ZC2HC1B: variants seen among roughly 807,000 people sequenced by gnomAD.
ZC2HC1B encodes zinc finger C2HC-type containing 1B.
Under a neutral mutation model 31.0 loss-of-function variants are expected in ZC2HC1B, and 36 were observed. That is an observed-to-expected ratio of 1.16 (90% CI 0.89 to 1.54). The LOEUF (loss-of-function observed/expected upper bound fraction) is 1.54. Ranked by LOEUF, ZC2HC1B falls within the 40% of genes most tolerant of loss-of-function variation. The pLI, the probability that ZC2HC1B is intolerant of heterozygous loss-of-function variation, is 0.00. For missense variants in ZC2HC1B, 260 were observed against 268.6 expected, an observed-to-expected ratio of 0.97 and a Z score of 0.22; for synonymous variants, 73 against 88.0, an observed-to-expected ratio of 0.83 and a Z score of 0.95.
chr6:143,869,022 C>G lies in ZC2HC1B; in HGVS notation c.28+4455C>G, dbSNP rs770908028. 2.6e-5 allele frequency among the ~76,000 whole-genome samples: 4 copies of G among 152,220 alleles called. No homozygotes were observed. Among genetic ancestry groups the G allele is most frequent in the Non-Finnish European group, 4.4e-5 (3 of 68,044 alleles). ...TCTGCAGCTGGTCACGTGGTCATAG[C>G]TGGTATTGATGACTACATTCTTCTA... On this transcript the variant is annotated intron_variant, in intron 1 of 7. Coordinates refer to ENST00000237275, the MANE Select transcript of ZC2HC1B (RefSeq NM_001013623.3). The surrounding 1 kb of genome is among the most constrained non-coding windows in gnomAD (Gnocchi z 5.2).
intron 6 of ZC2HC1B, 146 bp from the exon 7 acceptor site, chr6:143,937,503 C>G: frequency 1.9e-6 from 1 of 515,240 alleles, no homozygotes; most frequent in Non-Finnish European, 3.3e-6. Context: ...ACCCTCATTG[C>G]CCTCCCCACC....
rs975591140 is a variant in ZC2HC1B at position 143,917,091 on chromosome 6, C to T, written c.598+13939C>T. Among the ~76,000 whole-genome samples, 1 of 152,208 alleles carries T rather than the reference C, an allele frequency of 6.6e-6. No homozygotes were observed. Among genetic ancestry groups the T allele is most frequent in the Non-Finnish European group, 1.5e-5 (1 of 68,032 alleles). On this transcript the variant is annotated intron_variant, in intron 6 of 7. Coordinates refer to ENST00000237275, the MANE Select transcript of ZC2HC1B (RefSeq NM_001013623.3). This position sits in a 1 kb window ranked among gnomAD's most constrained non-coding sequence, Gnocchi z 4.1. ...GGGACCCAGTGGGAGGTAACTGAAT[C>T]ATGGGGGCAAGTCTTTCCTGTGCTA...
intron 6 of ZC2HC1B, among the ~76,000 whole-genome samples, chr6:143,912,851 A>C (rs1478383784): frequency 1.3e-5 from 2 of 152,118 alleles, no homozygotes; most frequent in African/African-American, 4.8e-5. Flanking sequence ...TGAGAAGCCA[A>C]ATGGCCAAGT....
chr6:143,885,453 T>C lies in ZC2HC1B; in HGVS notation c.91-579T>C, dbSNP rs982059294. On this transcript the variant is annotated intron_variant, in intron 2 of 7. Transcript: ENST00000237275. The surrounding 1 kb of genome is among the most constrained non-coding windows in gnomAD (Gnocchi z 4.2). ...ATTTCCTAAGCCTATTTCTAGGCTA[T>C]GGAGGGCATTGATCAAATGATTTGA... Among the ~76,000 whole-genome samples the C allele has an allele frequency of 6.6e-6, 1 of 152,234 alleles. No individual in the cohort carries two copies. Among genetic ancestry groups the C allele is most frequent in the African/African-American group, 2.4e-5 (1 of 41,458 alleles).
At position 143,887,708 on chromosome 6, in the gene ZC2HC1B, T is replaced by C. The variant is rs573082107; in HGVS notation, c.349+887T>C. On this transcript the variant is annotated intron_variant, in intron 4 of 7. Transcript: ENST00000237275. The surrounding 1 kb of genome is among the most constrained non-coding windows in gnomAD (Gnocchi z 5.1). ...CCACTTATTTAGTCATATTGTTAAA[T>C]TTTTTCCTCTATCTCATCTTTATGT... is the stretch of plus-strand genomic sequence containing the variant. Among the ~76,000 whole-genome samples the C allele has an allele frequency of 6.9e-4, 105 of 152,108 alleles. No homozygotes were observed. The highest frequency in any genetic ancestry group is 1.3e-3 in the Non-Finnish European group (90 of 67,984).
In ZC2HC1B at chr6:143,885,023, G is replaced by A. The variant is rs1055521859; in HGVS notation, c.90+658G>A. ...GATGGTATGCCCCAATATTATAAAG[G>A]GGTTCCCAAGAAAGATGATTTTTTT... On this transcript the variant is annotated intron_variant, in intron 2 of 7. Coordinates refer to ENST00000237275, the MANE Select transcript of ZC2HC1B (RefSeq NM_001013623.3). The surrounding 1 kb of genome is among the most constrained non-coding windows in gnomAD (Gnocchi z 4.2). 1.3e-5 allele frequency among the ~76,000 whole-genome samples: 2 copies of A among 151,990 alleles called. No homozygotes were observed. The highest frequency in any genetic ancestry group is 4.8e-5 in the African/African-American group (2 of 41,376).
Position 143,913,313 on chromosome 6 carries a change from G to A in ZC2HC1B, c.598+10161G>A, listed in dbSNP as rs930923819. ...TAGGGAAACCCTTCCTTGTCTGGACGGTTTCGACTCTCCAGAGTCCACAGG... is the reference window on the plus strand; with the variant it reads ...TAGGGAAACCCTTCCTTGTCTGGACAGTTTCGACTCTCCAGAGTCCACAGG... On this transcript the variant is annotated intron_variant, in intron 6 of 7. Transcript: ENST00000237275. This position sits in a 1 kb window ranked among gnomAD's most constrained non-coding sequence, Gnocchi z 5.7. Among the ~76,000 whole-genome samples, 2 of 152,176 alleles carry A rather than the reference G, an allele frequency of 1.3e-5. No homozygotes were observed. Among genetic ancestry groups the A allele is most frequent in the Non-Finnish European group, 2.9e-5 (2 of 68,040 alleles).
rs1777931951 is a variant in ZC2HC1B, at chr6:143,917,360, C to G, written c.598+14208C>G. On this transcript the variant is annotated intron_variant, in intron 6 of 7. Coordinates refer to ENST00000237275, the MANE Select transcript of ZC2HC1B (RefSeq NM_001013623.3). This position sits in a 1 kb window ranked among gnomAD's most constrained non-coding sequence, Gnocchi z 4.1. ...GAAAACAGACTAATACTACCGTCTT[C>G]TTTTGTTTTTAGTTGATTTTTGAAG... Among the ~76,000 whole-genome samples the G allele has an allele frequency of 6.6e-6, 1 of 152,204 alleles. No individual in the cohort carries two copies. Among genetic ancestry groups the G allele is most frequent in the African/African-American group, 2.4e-5 (1 of 41,446 alleles).
Position 143,908,429 on chromosome 6 carries a change from G to A in ZC2HC1B, c.598+5277G>A, listed in dbSNP as rs981520309. Among the ~76,000 whole-genome samples the A allele has an allele frequency of 7.9e-5, 12 of 152,176 alleles. No individual in the cohort carries two copies. Among genetic ancestry groups the A allele is most frequent in the African/African-American group, 2.6e-4 (11 of 41,536 alleles). ...ATGAGCATGGTATATTTTTCCATTT[G>A]TTTGTGTCATCTCTGATTTCTTTGA... On this transcript the variant is annotated intron_variant, in intron 6 of 7. Transcript: ENST00000237275. This position sits in a 1 kb window ranked among gnomAD's most constrained non-coding sequence, Gnocchi z 4.4.
At chr6:143,919,263 G>GTGTGTA (rs1777959439) in intron 6 of ZC2HC1B, among the ~76,000 whole-genome samples, 1 of 141,878 alleles carries the variant, frequency 7.0e-6, no homozygotes, top group South Asian at 2.2e-4. Context: ...GTGTGTGTGT[G>GTGTGTA]TGTATGTGAC....
At chr6:143,926,743 A>G (rs557928744) in intron 6 of ZC2HC1B, among the ~76,000 whole-genome samples, 7 of 149,128 alleles carry the variant, frequency 4.7e-5, no homozygotes, top group South Asian at 2.1e-4. Flanking sequence ...ATTGGAGTCT[A>G]TCTCTCCCTT....
chr6:143,927,594 GT>G lies in ZC2HC1B; in HGVS notation c.599-10054del, dbSNP rs563271287. ...TTCGGTATCTGTCATGACTAGTGCT[GT>G]GATAAACATGAGTGCATGTATCTTT... is the stretch of plus-strand genomic sequence containing the variant. On this transcript the variant is annotated intron_variant, in intron 6 of 7. Coordinates refer to ENST00000237275, the MANE Select transcript of ZC2HC1B (RefSeq NM_001013623.3). Among the ~76,000 whole-genome samples, 236 of 152,228 alleles carry G rather than the reference GT, an allele frequency of 1.6e-3. 2 individuals carry two copies. Among genetic ancestry groups the G allele is most frequent in the African/African-American group, 5.2e-3 (217 of 41,554 alleles).
chr6:143,886,019 C>A lies in ZC2HC1B; in HGVS notation c.91-13C>A. On this transcript the variant is annotated splice_polypyrimidine_tract_variant and intron_variant, in intron 2 of 7. Coordinates refer to ENST00000237275, the MANE Select transcript of ZC2HC1B (RefSeq NM_001013623.3). The surrounding 1 kb of genome is among the most constrained non-coding windows in gnomAD (Gnocchi z 4.2). ...CACTTTAGAAATTCCAATCCCTACT[C>A]TTCGTTTTCTAGGAAAGGCATGGAC... The A allele has an allele frequency of 2.6e-6, 4 of 1,514,926 alleles. No individual in the cohort carries two copies. Among genetic ancestry groups the A allele is most frequent in the South Asian group, 1.3e-5 (1 of 77,046 alleles). The allele number at this position is 1,514,926 out of a possible 1,614,324, so 93.8% of individuals were successfully genotyped here.
Position 143,884,287 on chromosome 6 carries a change from T to C in ZC2HC1B, c.29-17T>C. 2 of 1,524,640 alleles carry C rather than the reference T, an allele frequency of 1.3e-6. No individual in the cohort carries two copies. Among genetic ancestry groups the C allele is most frequent in the Non-Finnish European group, 1.8e-6 (2 of 1,126,748 alleles). 94.4% of individuals were successfully genotyped at this position (1,524,640 alleles called of 1,614,324 possible). ...ATTCCATGAAACTAACATAATGTGC[T>C]CTTGAATTTTACACAGATGGCAATC... On this transcript the variant is annotated splice_polypyrimidine_tract_variant and intron_variant, in intron 1 of 7. Transcript: ENST00000237275. The surrounding 1 kb of genome is among the most constrained non-coding windows in gnomAD (Gnocchi z 5.1).
At position 143,874,130 on chromosome 6, in the gene ZC2HC1B, T is replaced by C. The variant is rs188477586; in HGVS notation, c.28+9563T>C. ...GTACCCTACGTCATATCTCTCAAGT[T>C]CAAATTTCCACAAATCTCTAGGGCG... On this transcript the variant is annotated intron_variant, in intron 1 of 7. Coordinates refer to ENST00000237275, the MANE Select transcript of ZC2HC1B (RefSeq NM_001013623.3). Among the ~76,000 whole-genome samples the C allele has an allele frequency of 5.1e-3, 770 of 152,284 alleles. 8 individuals are homozygous for C. The highest frequency in any genetic ancestry group is 0.018 in the African/African-American group (732 of 41,530).
At position 143,899,587 on chromosome 6, in the gene ZC2HC1B, G is replaced by A. The variant is rs1292938003; in HGVS notation, c.489+896G>A. Among the ~76,000 whole-genome samples, 1 of 152,176 alleles carries A rather than the reference G, an allele frequency of 6.6e-6. No individual in the cohort carries two copies. The highest frequency in any genetic ancestry group is 6.5e-5 in the Admixed American group (1 of 15,282). On this transcript the variant is annotated intron_variant, in intron 5 of 7. Transcript: ENST00000237275. This position sits in a 1 kb window ranked among gnomAD's most constrained non-coding sequence, Gnocchi z 5.0. ...AGATGGGGTCTCACTGTGTTGCTCA[G>A]GCTGGTCTCAAACTCCTGGGCCCAA... is the stretch of plus-strand genomic sequence containing the variant.
At chr6:143,916,036 T>C (rs528216478) in intron 6 of ZC2HC1B, among the ~76,000 whole-genome samples, 1 of 152,148 alleles carries the variant, frequency 6.6e-6, no homozygotes, top group Non-Finnish European at 1.5e-5. Flanking sequence ...TCAGAGCCCT[T>C]TGTGGCAGCA....
chr6:143,928,835 T>TTG (rs397789630), intron 6 of ZC2HC1B, among the ~76,000 whole-genome samples: 1 of 150,250 alleles, frequency 6.7e-6, no homozygotes, highest in African/African-American at 2.5e-5. Flanking sequence ...TTTTTTTTTT[T>TTG]GTTCTTTTTT....
At chr6:143,892,909 A>G (rs751036802) in intron 4 of ZC2HC1B, among the ~76,000 whole-genome samples, 1 of 152,190 alleles carries the variant, frequency 6.6e-6, no homozygotes, top group Non-Finnish European at 1.5e-5. Context: ...TTTTTTTAAA[A>G]AAAGGAAATT....
Sources: allele counts gnomAD v4.1 joint callset (sites outside exome capture counted in the v4.1 genomes callset), GRCh38; gene constraint gnomAD v4.1.1; non-coding constraint Gnocchi (gnomAD v3.1); transcripts MANE v1.5; gene names NCBI Gene and HGNC (gene_info 2026-07-23, HGNC 2026-07-21).